Variants in DENND2B observed in about 807,000 individuals in gnomAD.
DENND2B encodes the protein DENN domain-containing protein 2B.
In DENND2B, 32 loss-of-function variants were observed where a neutral mutation model predicts 116.0. The ratio of observed to expected loss-of-function variants is 0.28; its 90% confidence interval spans 0.21 to 0.37. DENND2B has a LOEUF of 0.37. Ranked by LOEUF, DENND2B falls within the 10% of genes least tolerant of loss-of-function variation. The probability of loss-of-function intolerance (pLI) is 1.00; values close to 1 mark genes in which losing one functional copy is unlikely to be tolerated. For synonymous variants in DENND2B, 588 were observed against 583.9 expected (o/e 1.01, Z -0.10); for missense variants, 1,276 against 1,477.7 (o/e 0.86, Z 2.24).
chr11:8,710,989 C>T, intron 10 of DENND2B, 75 bp from the exon 11 acceptor site: 1 of 1,588,708 alleles, frequency 6.3e-7, no homozygotes, highest in Non-Finnish European at 8.6e-7. Context: ...TAGGGACCGT[C>T]ATTTTCACGT....
In DENND2B at chr11:8,877,124, G is replaced by A. The variant is rs560100855; in HGVS notation, c.-156+3886C>T. Reference sequence around the variant, plus strand: ...ACTTTTTTTTTTTTTTTTTTTTTGAGACGGACTCTCACTCTGTTGCCCAGG... The same window carrying A: ...ACTTTTTTTTTTTTTTTTTTTTTGAAACGGACTCTCACTCTGTTGCCCAGG... On this transcript the variant is annotated intron_variant, in intron 2 of 22. Coordinates refer to the DENND2B transcript ENST00000534127. Among the ~76,000 whole-genome samples the A allele has an allele frequency of 7.2e-5, 6 of 83,198 alleles. No homozygotes were observed. The East Asian group carries it at 2.1e-3, about 29-fold the overall frequency. 54.6% of individuals were successfully genotyped at this position (83,198 alleles called of 152,430 possible).
rs1195848998 is a variant in DENND2B at position 8,729,815 on chromosome 11, C to T, written c.1340+135G>A. 2.5e-6 allele frequency: 3 copies of T among 1,203,776 alleles called. No homozygotes were observed. In the South Asian group the frequency reaches 4.4e-5, roughly 18 times the overall value. The allele number at this position is 1,203,776 out of a possible 1,614,324, so 74.6% of individuals were successfully genotyped here. A position where few individuals can be genotyped will look rare whatever the true frequency, so the allele number is the denominator to read the frequency against. On this transcript the variant is annotated intron_variant, in intron 3 of 19. Coordinates refer to ENST00000313726, the MANE Select transcript of DENND2B (RefSeq NM_213618.2). Reference sequence around the variant, plus strand: ...TCATTTTTCACTACCACAACTACCACCTAACAATTATTCAGCACTTCAGAG... The same window carrying T: ...TCATTTTTCACTACCACAACTACCATCTAACAATTATTCAGCACTTCAGAG...
At chr11:8,717,300 C>T (rs1417705979) in intron 5 of DENND2B, among the ~76,000 whole-genome samples, 2 of 152,240 alleles carry the variant, frequency 1.3e-5, no homozygotes, top group African/African-American at 4.8e-5. Flanking sequence ...GGGACCTACA[C>T]CTAGCCCCCT....
intron 3 of DENND2B, among the ~76,000 whole-genome samples, chr11:8,855,888 G>A (rs771874782): frequency 6.6e-5 from 10 of 152,160 alleles, no homozygotes; most frequent in Non-Finnish European, 1.3e-4. Flanking sequence ...TCTCCTCTGG[G>A]AGGAATCCCA....
intron 1 of DENND2B, among the ~76,000 whole-genome samples, chr11:8,902,069 T>C (rs2064177156): frequency 6.6e-6 from 1 of 152,178 alleles, no homozygotes; most frequent in African/African-American, 2.4e-5. Flanking sequence ...GGCTCATGCC[T>C]GTAATCCCAG....
intron 3 of DENND2B, among the ~76,000 whole-genome samples, chr11:8,728,135 C>G (rs951141887): frequency 6.6e-6 from 1 of 152,042 alleles, no homozygotes; most frequent in Admixed American, 6.5e-5. Flanking sequence ...TCCCAAGTAG[C>G]TGAGACTGCA....
intron 1 of DENND2B, among the ~76,000 whole-genome samples, chr11:8,908,622 T>C (rs2064269264): frequency 7.0e-6 from 1 of 142,800 alleles, no homozygotes; most frequent in Admixed American, 7.4e-5. Flanking sequence ...GTATCTTATC[T>C]ACCTCTTCTC....
At chr11:8,727,723 G>A (rs2133906367) in intron 3 of DENND2B, among the ~76,000 whole-genome samples, 1 of 152,288 alleles carries the variant, frequency 6.6e-6, no homozygotes, top group Admixed American at 6.5e-5. Context: ...GAGTTAGTGT[G>A]AGAGCAAGTT....
At chr11:8,908,917 C>T (rs1414782879) in intron 1 of DENND2B, among the ~76,000 whole-genome samples, 2 of 152,108 alleles carry the variant, frequency 1.3e-5, no homozygotes, top group Non-Finnish European at 2.9e-5. Context: ...TTATCTTTGC[C>T]GGGCACTGTG....
intron 17 of DENND2B, 141 bp from the exon 18 acceptor site, chr11:8,696,807 G>C (rs185494212): frequency 1.8e-5 from 24 of 1,342,514 alleles, no homozygotes; most frequent in Admixed American, 4.6e-5. Context: ...TTTTGAGACC[G>C]AGTTTCACTC....
intron 1 of DENND2B, among the ~76,000 whole-genome samples, chr11:8,904,623 C>T (rs907798502): frequency 8.5e-5 from 13 of 152,078 alleles, no homozygotes; most frequent in African/African-American, 2.7e-4. Context: ...AAAAAGTTAG[C>T]CTTTCTTTAT....
At position 8,730,072 on chromosome 11, in the gene DENND2B, G is replaced by C; in HGVS notation, c.1218C>G (p.Pro406=). The change falls in exon 3 of 20, where the codon CCC becomes CCG. Residue 406 remains proline (P), a synonymous_variant. Transcript: ENST00000313726. The surrounding 1 kb of genome is among the most constrained non-coding windows in gnomAD (Gnocchi z 4.1). ...TGGGTGAAGGAGGTAGACCATTACT[G>C]GGCTTACTCTTGGGGTTCTTGTCAG... ...YEADKNPKSK[P]SNGLPPSPTP... 1 of 1,614,180 alleles carries C rather than the reference G, an allele frequency of 6.2e-7. No individual in the cohort carries two copies.
intron 4 of DENND2B, among the ~76,000 whole-genome samples, chr11:8,817,434 C>G (rs942832800): frequency 6.6e-6 from 1 of 152,068 alleles, no homozygotes; most frequent in African/African-American, 2.4e-5. Flanking sequence ...CAGAGAAATA[C>G]CCATTCTGTG....
upstream of DENND2B, among the ~76,000 whole-genome samples, chr11:8,813,117 A>G (rs1269067608): frequency 2.6e-5 from 4 of 152,208 alleles, no homozygotes; most frequent in Non-Finnish European, 4.4e-5. Flanking sequence ...CCTATGCAGA[A>G]TCTAGTGGGT....
intron 1 of DENND2B, chr11:8,771,566 A>AGAGAGAGAGAGAGAGAGAGAGAGAGTGC (rs146752028): frequency 8.3e-6 from 1 of 120,310 alleles, no homozygotes; most frequent in South Asian, 3.0e-4. Flanking sequence ...AGAGAGAGAG[A>AGAGAGAGAGAGAGAGAGAGAGAGAGTGC]GCCTTCTTCC....
At chr11:8,774,134 T>C in intron 1 of DENND2B, 1 of 985,456 alleles carries the variant, frequency 1.0e-6, no homozygotes, top group Non-Finnish European at 1.2e-6. Context: ...CTGCTAAAAG[T>C]GCTTTCTTTC....
At chr11:8,843,368 C>A (rs1452457518) in intron 3 of DENND2B, among the ~76,000 whole-genome samples, 4 of 152,120 alleles carry the variant, frequency 2.6e-5, no homozygotes, top group Non-Finnish European at 5.9e-5. Context: ...CAATGTGGAA[C>A]CTTAGGCTGC....
chr11:8,695,727 G>C (rs2040238873), intron 18 of DENND2B, 178 bp from the exon 19 acceptor site: 1 of 606,694 alleles, frequency 1.6e-6, no homozygotes. Flanking sequence ...GCGATCATTA[G>C]TGACATCTTG....
chr11:8,899,978 T>C (rs1271671954), intron 1 of DENND2B, among the ~76,000 whole-genome samples: 3 of 152,162 alleles, frequency 2.0e-5, no homozygotes, highest in African/African-American at 7.2e-5. Flanking sequence ...ATATTTCACC[T>C]AAATTAAGTT....
Sources: gnomAD v4.1 joint callset for allele counts (sites outside exome capture counted in the v4.1 genomes callset) on GRCh38, gnomAD v4.1.1 for gene constraint, Gnocchi (gnomAD v3.1) non-coding constraint, MANE v1.5 for transcripts, NCBI Gene and HGNC (gene_info 2026-07-23, HGNC 2026-07-21) for gene names.